Variants in RNF214 observed in about 807,000 individuals in gnomAD.
The protein encoded by RNF214 is ring finger protein 214.
Under a neutral mutation model 75.9 loss-of-function variants are expected in RNF214, and 25 were observed. That is an observed-to-expected ratio of 0.33 (90% CI 0.24 to 0.46). The LOEUF is 0.46. Ranked by LOEUF, RNF214 falls within the 20% of genes least tolerant of loss-of-function variation. The pLI is 1.00. For missense variants in RNF214, 725 were observed against 857.5 expected, an observed-to-expected ratio of 0.85 and a Z score of 1.93; for synonymous variants, 314 against 308.8, an observed-to-expected ratio of 1.02 and a Z score of -0.18.
chr11:117,259,218 A>G (rs547618464), intron 6 of RNF214, among the ~76,000 whole-genome samples: 18 of 152,278 alleles, frequency 1.2e-4, no homozygotes, highest in African/African-American at 4.1e-4. Context: ...CGGCCTCCCA[A>G]AGTGCTGGGA....
At chr11:117,266,260 C>T (rs1565342346) in intron 6 of RNF214, among the ~76,000 whole-genome samples, 1 of 152,106 alleles carries the variant, frequency 6.6e-6, no homozygotes, top group Non-Finnish European at 1.5e-5. Flanking sequence ...CTTTGATTTG[C>T]CCACATGCTG....
At chr11:117,233,677 T>C (rs1056918453) in intron 1 of RNF214, among the ~76,000 whole-genome samples, 1 of 152,206 alleles carries the variant, frequency 6.6e-6, no homozygotes, top group Non-Finnish European at 1.5e-5. Context: ...CACTAGTCAC[T>C]CTGAAGAGTC....
intron 1 of RNF214, 192 bp downstream of exon 1, chr11:117,232,918 G>A (rs1312854447): frequency 6.8e-6 from 1 of 147,830 alleles, no homozygotes; most frequent in Non-Finnish European, 1.5e-5. Flanking sequence ...GCAGCGGGGT[G>A]GGGGGACCGA....
intron 6 of RNF214, among the ~76,000 whole-genome samples, chr11:117,270,241 C>CTTTTTTTTTTTTTT (rs57144374): frequency 1.2e-4 from 9 of 75,852 alleles, no homozygotes; most frequent in East Asian, 3.8e-4. Flanking sequence ...CTTTTCTTTT[C>CTTTTTTTTTTTTTT]TTTTTTTTTT....
chr11:117,244,951 A>G (rs1344035505), intron 5 of RNF214, among the ~76,000 whole-genome samples: 2 of 151,222 alleles, frequency 1.3e-5, no homozygotes, highest in East Asian at 2.0e-4. Context: ...ATTTCAGTTA[A>G]CTCAAAAATA....
Position 117,234,338 on chromosome 11 carries a change from A to C in RNF214, c.66A>C (p.Leu22Phe), listed in dbSNP as rs369245505. Reference protein sequence around the residue: ...NAPSPPESSSLCASKSDEGLP... With the variant: ...NAPSPPESSSFCASKSDEGLP... Reference sequence around the variant, plus strand: ...CCAGTCCTCCGGAATCTTCTAGTTTATGTGCTTCCAAATCAGACGAAGGTC... The same window carrying C: ...CCAGTCCTCCGGAATCTTCTAGTTTCTGTGCTTCCAAATCAGACGAAGGTC... Residue 22 changes from leucine to phenylalanine, a missense_variant, in exon 2 of 15, where the codon TTA becomes TTC. By Grantham distance (22) the Leu-to-Phe change is conservative. This residue lies in a region of RNF214 where 362 missense variants were observed against 344.5 expected (regional missense o/e 1.05). Transcript: ENST00000300650. The C allele has an allele frequency of 6.2e-7, 1 of 1,614,054 alleles. No homozygotes were observed. Among genetic ancestry groups the C allele is most frequent in the African/African-American group, 1.3e-5 (1 of 74,932 alleles).
intron 6 of RNF214, among the ~76,000 whole-genome samples, chr11:117,252,837 T>A (rs1011865940): frequency 6.6e-6 from 1 of 152,094 alleles, no homozygotes; most frequent in African/African-American, 2.4e-5. Flanking sequence ...TTTTTTAATG[T>A]TTTATTCTTT....
At chr11:117,264,928 G>T (rs1401125710) in intron 6 of RNF214, among the ~76,000 whole-genome samples, 2 of 151,958 alleles carry the variant, frequency 1.3e-5, no homozygotes, top group Non-Finnish European at 2.9e-5. Flanking sequence ...TTAGCTGGGC[G>T]TGGTGGCATG....
At chr11:117,244,099 A>G (rs1454553284) in intron 4 of RNF214, among the ~76,000 whole-genome samples, 2 of 152,122 alleles carry the variant, frequency 1.3e-5, no homozygotes, top group Non-Finnish European at 1.5e-5. Flanking sequence ...ATCCCACCTC[A>G]GCCTCCCAAG....
In RNF214 at chr11:117,234,304, C is replaced by G. The variant is rs895608798; in HGVS notation, c.32C>G (p.Ala11Gly). Residue 11 changes from alanine (A) to glycine (G), a missense_variant, in exon 2 of 15, where the codon GCC (alanine) becomes GGC (glycine). Ala to Gly is a moderately conservative substitution (Grantham distance 60). Transcript: ENST00000300650. MAASEVAGVV[A>G]NAPSPPESSS... Reference sequence around the variant, plus strand: ...GCGTCTGAGGTTGCTGGTGTTGTGGCCAATGCCCCCAGTCCTCCGGAATCT... The same window carrying G: ...GCGTCTGAGGTTGCTGGTGTTGTGGGCAATGCCCCCAGTCCTCCGGAATCT... The G allele has an allele frequency of 1.6e-5, 26 of 1,614,124 alleles. No homozygotes were observed. Among genetic ancestry groups the G allele is most frequent in the Non-Finnish European group, 2.1e-5 (25 of 1,179,976 alleles).
intron 6 of RNF214, among the ~76,000 whole-genome samples, chr11:117,251,843 C>G (rs888811098): frequency 4.6e-5 from 7 of 152,138 alleles, no homozygotes; most frequent in Non-Finnish European, 8.8e-5. Flanking sequence ...TCAAATGATA[C>G]AATTTGCATT....
At chr11:117,249,162 C>T (rs1031154605) in intron 6 of RNF214, among the ~76,000 whole-genome samples, 5 of 152,084 alleles carry the variant, frequency 3.3e-5, no homozygotes, top group Non-Finnish European at 7.4e-5. Flanking sequence ...TGGCTTCAAG[C>T]GATCCACCTG....
chr11:117,263,942 A>G lies in RNF214; in HGVS notation c.960-15966A>G, dbSNP rs990933280. ...TTAGAATAGAGCTGTCCCAAGGCAC[A>G]AGATTACAATTTTTAAAAAAATGTT... On this transcript the variant is annotated intron_variant, in intron 6 of 14. Transcript: ENST00000300650. The G allele has an allele frequency of 4.3e-5, 8 of 187,836 alleles. No individual in the cohort carries two copies. In the Admixed American group the frequency reaches 4.3e-4, roughly 10 times the overall value. The allele number at this position is 187,836 out of a possible 1,614,324, so 11.6% of individuals were successfully genotyped here.
At chr11:117,258,243 A>ATT (rs944429799) in intron 6 of RNF214, among the ~76,000 whole-genome samples, 3 of 151,784 alleles carry the variant, frequency 2.0e-5, no homozygotes, top group Non-Finnish European at 2.9e-5. Flanking sequence ...TGATTTTTGT[A>ATT]TTTTTAGTAG....
At chr11:117,262,255 T>G (rs988151332) in intron 6 of RNF214, among the ~76,000 whole-genome samples, 10 of 151,360 alleles carry the variant, frequency 6.6e-5, no homozygotes, top group African/African-American at 2.4e-4. Flanking sequence ...CCCGGCTAAT[T>G]TTTTTGTATT....
At position 117,238,832 on chromosome 11, in the gene RNF214, C is replaced by A. The variant is rs751812886; in HGVS notation, c.339C>A (p.Ala113=). Residue 113 remains alanine (A), a synonymous_variant, in exon 3 of 15, where the codon GCC becomes GCA. Transcript: ENST00000300650. ...CTCAGTCTGATTTGAAGGATGTGGC[C>A]AGCACAGCAGGAGAGGAGGGGGACA... ...SGSQSDLKDV[A]STAGEEGDTS... 2 of 1,614,008 alleles carry A rather than the reference C, an allele frequency of 1.2e-6. No homozygotes were observed. The highest frequency in any genetic ancestry group is 1.7e-6 in the Non-Finnish European group (2 of 1,180,032).
chr11:117,277,833 C>T (rs578033726), intron 6 of RNF214, among the ~76,000 whole-genome samples: 68 of 151,512 alleles, frequency 4.5e-4, no homozygotes, highest in African/African-American at 1.6e-3. Flanking sequence ...AAATTAGCTG[C>T]GCATGGTGGT....
intron 6 of RNF214, 74 bp from the exon 7 acceptor site, chr11:117,279,834 G>A: frequency 8.9e-7 from 1 of 1,128,106 alleles, no homozygotes; most frequent in Non-Finnish European, 1.3e-6. Flanking sequence ...ATTTTGGGTT[G>A]TACTTTTGCC....
intron 6 of RNF214, among the ~76,000 whole-genome samples, chr11:117,252,592 T>C (rs1374272591): frequency 6.6e-6 from 1 of 151,970 alleles, no homozygotes; most frequent in Non-Finnish European, 1.5e-5. Flanking sequence ...GTGATCTTGG[T>C]TCACTGCAGT....
Sources: allele counts gnomAD v4.1 joint callset (sites outside exome capture counted in the v4.1 genomes callset), GRCh38; gene constraint gnomAD v4.1.1; regional missense constraint gnomAD v4.1.1; transcripts MANE v1.5; gene names NCBI Gene and HGNC (gene_info 2026-07-23, HGNC 2026-07-21).